UNC13C: variants seen among roughly 807,000 people sequenced by gnomAD.
The protein encoded by UNC13C is unc-13 homolog C.
A neutral mutation model predicts 245.4 loss-of-function variants in UNC13C; 174 were observed. That is an observed-to-expected ratio of 0.71 (90% CI 0.63 to 0.80). The LOEUF is 0.80. UNC13C is among the 30% of genes least tolerant of loss of function. UNC13C has a pLI of 0.00. For synonymous variants in UNC13C, 992 were observed against 895.1 expected (o/e 1.11, Z -1.93); for missense variants, 2,829 against 2,602.9 (o/e 1.09, Z -1.89).
intron 13 of UNC13C, among the ~76,000 whole-genome samples, chr15:54,312,843 A>G (rs1449052367): frequency 2.0e-5 from 3 of 151,806 alleles, no homozygotes; most frequent in Non-Finnish European, 2.9e-5. Context: ...CTGTCAGGTT[A>G]GTGTTTTAGG....
chr15:54,234,236 G>C lies in UNC13C; in HGVS notation c.3072-794G>C, dbSNP rs562793004. Among the ~76,000 whole-genome samples, 4 of 116,096 alleles carry C rather than the reference G, an allele frequency of 3.4e-5. No homozygotes were observed. In the South Asian group the frequency reaches 1.1e-3, roughly 31 times the overall value. The allele number at this position is 116,096 out of a possible 152,430, so 76.2% of individuals were successfully genotyped here. On this transcript the variant is annotated intron_variant, in intron 4 of 32. Coordinates refer to ENST00000260323, the MANE Select transcript of UNC13C (RefSeq NM_001080534.3). ...ATATATAAGTTTAGTACACTCCCAT[G>C]TCAGTATATATATATATATATATGG...
intron 2 of UNC13C, among the ~76,000 whole-genome samples, chr15:54,083,133 G>A (rs1211580954): frequency 6.6e-6 from 1 of 152,172 alleles, no homozygotes; most frequent in African/African-American, 2.4e-5. Context: ...GTGTTGGGGT[G>A]TTCTAGGTCC....
intron 2 of UNC13C, among the ~76,000 whole-genome samples, chr15:54,101,671 C>T (rs1900172580): frequency 6.6e-6 from 1 of 151,926 alleles, no homozygotes; most frequent in African/African-American, 2.4e-5. Context: ...ACCTCTGTGT[C>T]CCAAGTTCAA....
chr15:53,859,307 A>G, the UNC13C span, among the ~76,000 whole-genome samples: 12 of 152,152 alleles, frequency 7.9e-5, no homozygotes, highest in Non-Finnish European at 1.6e-4. Flanking sequence ...TTTGGTCCAA[A>G]TATATCATCC....
chr15:54,604,728 A>G (rs16974912), intron 30 of UNC13C, among the ~76,000 whole-genome samples: 4,266 of 152,296 alleles, frequency 0.028, 199 homozygotes, highest in African/African-American at 0.096. Flanking sequence ...GCACAGGGCA[A>G]TACTGTGTCA....
chr15:54,465,941 T>G (rs555662142), intron 19 of UNC13C, among the ~76,000 whole-genome samples: 1 of 152,170 alleles, frequency 6.6e-6, no homozygotes, highest in Admixed American at 6.5e-5. Context: ...GACAAGAATC[T>G]TGTCCATCAA....
At chr15:54,503,956 TA>T (rs1894351067) in intron 22 of UNC13C, among the ~76,000 whole-genome samples, 1 of 152,146 alleles carries the variant, frequency 6.6e-6, no homozygotes, top group Non-Finnish European at 1.5e-5. Flanking sequence ...TTTTGCATTT[TA>T]AAATGGGATT....
the UNC13C span, among the ~76,000 whole-genome samples, chr15:53,899,274 C>T: frequency 3.9e-5 from 6 of 152,174 alleles, no homozygotes; most frequent in Admixed American, 2.0e-4. Flanking sequence ...TAATAGACAG[C>T]ATCTCATAAC....
the UNC13C span, among the ~76,000 whole-genome samples, chr15:53,895,789 G>T: frequency 2.0e-5 from 3 of 152,048 alleles, no homozygotes; most frequent in East Asian, 5.8e-4. Context: ...TTATTCAAAG[G>T]TTTGTGAAAT....
intron 2 of UNC13C, among the ~76,000 whole-genome samples, chr15:54,042,459 T>C (rs1223854194): frequency 6.6e-6 from 1 of 152,032 alleles, no homozygotes; most frequent in East Asian, 1.9e-4. Context: ...AAATACAAAA[T>C]AGGGGAAGTG....
At chr15:54,047,822 A>G (rs1897104677) in intron 2 of UNC13C, among the ~76,000 whole-genome samples, 1 of 152,198 alleles carries the variant, frequency 6.6e-6, no homozygotes, top group South Asian at 2.1e-4. Context: ...GAAATTAATA[A>G]TAACATACAT....
intron 2 of UNC13C, among the ~76,000 whole-genome samples, chr15:54,031,531 G>C (rs1281923493): frequency 6.6e-6 from 1 of 152,194 alleles, no homozygotes; most frequent in Non-Finnish European, 1.5e-5. Context: ...ATCAGGCTGG[G>C]CTTGAAGGAA....
the UNC13C span, among the ~76,000 whole-genome samples, chr15:53,867,889 G>A: frequency 1.3e-5 from 2 of 152,098 alleles, no homozygotes. Flanking sequence ...GGAGTGCAGT[G>A]GTGCTCCCAT....
intron 2 of UNC13C, among the ~76,000 whole-genome samples, chr15:54,131,800 G>C (rs1300377847): frequency 2.0e-5 from 3 of 152,014 alleles, no homozygotes; most frequent in Admixed American, 2.0e-4. Context: ...TTCATTTCTT[G>C]CAATTGTTTA....
At chr15:53,928,925 G>A in the UNC13C span, among the ~76,000 whole-genome samples, 3 of 152,184 alleles carry the variant, frequency 2.0e-5, no homozygotes, top group African/African-American at 7.2e-5. Flanking sequence ...GAAGACAGTG[G>A]TGATGATTAC....
At chr15:54,420,726 C>A (rs2040623902) in intron 19 of UNC13C, among the ~76,000 whole-genome samples, 1 of 151,812 alleles carries the variant, frequency 6.6e-6, no homozygotes, top group African/African-American at 2.4e-5. Flanking sequence ...CAGCCCTTCC[C>A]ATAACAACAG....
At chr15:54,290,439 C>A (rs560327695) in intron 10 of UNC13C, among the ~76,000 whole-genome samples, 31 of 152,088 alleles carry the variant, frequency 2.0e-4, no homozygotes, top group African/African-American at 7.0e-4. Context: ...CAGAAATGCA[C>A]AGAGACTCAA....
intron 2 of UNC13C, among the ~76,000 whole-genome samples, chr15:54,033,998 A>G (rs1436588095): frequency 6.6e-6 from 1 of 152,206 alleles, no homozygotes; most frequent in Non-Finnish European, 1.5e-5. Context: ...AGAAAAGGAG[A>G]TACAGATAAT....
chr15:54,225,746 T>A (rs959247553), intron 4 of UNC13C, among the ~76,000 whole-genome samples: 2 of 152,228 alleles, frequency 1.3e-5, no homozygotes, highest in African/African-American at 4.8e-5. Context: ...GATTATGTCA[T>A]CTGCCAACAA....
Sources: allele counts gnomAD v4.1 joint callset (sites outside exome capture counted in the v4.1 genomes callset), GRCh38; gene constraint gnomAD v4.1.1; transcripts MANE v1.5; gene names NCBI Gene and HGNC (gene_info 2026-07-23, HGNC 2026-07-21).